Variants in DISC1 observed in about 807,000 individuals in gnomAD.
DISC1 encodes the protein disrupted in schizophrenia 1 protein.
A neutral mutation model predicts 84.5 loss-of-function variants in DISC1; 57 were observed. That is an observed-to-expected ratio of 0.67 (90% CI 0.55 to 0.84). The LOEUF (loss-of-function observed/expected upper bound fraction) is 0.84, where lower values mean the gene tolerates loss of function less well. Among genes scored for constraint, DISC1 ranks in the 40% least tolerant of loss-of-function variants. DISC1 has a pLI of 0.00. For synonymous variants in DISC1, 411 were observed against 415.2 expected (o/e 0.99, Z 0.12); for missense variants, 1,000 against 1,057.8 (o/e 0.95, Z 0.76).
intron 9 of DISC1, among the ~76,000 whole-genome samples, chr1:231,840,543 C>T (rs1407427376): frequency 1.3e-5 from 2 of 152,026 alleles, no homozygotes; most frequent in African/African-American, 2.4e-5. Context: ...TGAAAGAAAC[C>T]GGTCTCAAAA....
chr1:231,934,151 G>T (rs745857580), intron 9 of DISC1, among the ~76,000 whole-genome samples: 16 of 152,296 alleles, frequency 1.1e-4, no homozygotes, highest in Middle Eastern at 3.4e-3. Flanking sequence ...CAGGAAAAGG[G>T]GGGTGACCGT....
At chr1:231,988,405 A>G (rs1038809256) in intron 10 of DISC1, among the ~76,000 whole-genome samples, 1 of 152,198 alleles carries the variant, frequency 6.6e-6, no homozygotes, top group Non-Finnish European at 1.5e-5. Context: ...TATGATCTGA[A>G]TGTTTATGTC....
intron 9 of DISC1, among the ~76,000 whole-genome samples, chr1:231,839,440 G>T (rs2082865042): frequency 6.6e-6 from 1 of 152,184 alleles, no homozygotes; most frequent in South Asian, 2.1e-4. Context: ...TGTGATTATT[G>T]ATCTGGCTGG....
intron 11 of DISC1, among the ~76,000 whole-genome samples, chr1:232,012,543 C>G (rs962927283): frequency 6.6e-6 from 1 of 152,188 alleles, no homozygotes; most frequent in East Asian, 1.9e-4. Context: ...TTTAGAACTC[C>G]GTGCTGGGTC....
intron 9 of DISC1, among the ~76,000 whole-genome samples, chr1:231,922,492 G>T (rs1002511153): frequency 2.0e-5 from 3 of 152,168 alleles, no homozygotes; most frequent in African/African-American, 7.2e-5. Context: ...ATCCAAGGGG[G>T]TATGTCTGGC....
chr1:231,635,482 T>C (rs2059120354), intron 1 of DISC1, among the ~76,000 whole-genome samples: 5 of 152,200 alleles, frequency 3.3e-5, no homozygotes, highest in Admixed American at 3.3e-4. Context: ...TCTCTCCTTC[T>C]TCTGTTATAG....
chr1:231,860,775 T>G (rs1032811805), intron 9 of DISC1, among the ~76,000 whole-genome samples: 1 of 152,142 alleles, frequency 6.6e-6, no homozygotes, highest in South Asian at 2.1e-4. Flanking sequence ...AAAACTGAAA[T>G]TTGGCTTGAA....
Position 231,801,450 on chromosome 1 carries a change from T to C in DISC1, c.1792+1240T>C, listed in dbSNP as rs555544396. 6.6e-5 allele frequency among the ~76,000 whole-genome samples: 10 copies of C among 152,360 alleles called. No homozygotes were observed. In the East Asian group the frequency reaches 1.7e-3, roughly 26 times the overall value. On this transcript the variant is annotated intron_variant, in intron 8 of 12. Coordinates refer to ENST00000439617, the MANE Select transcript of DISC1 (RefSeq NM_018662.3). ...CTCACTCCAATGTGAACAATCTCTC[T>C]TCAGACTCCAGGGAAAATGCCCAAG...
chr1:231,779,854 G>A (rs1409292242), intron 6 of DISC1, among the ~76,000 whole-genome samples: 3 of 152,044 alleles, frequency 2.0e-5, no homozygotes, highest in East Asian at 1.9e-4. Flanking sequence ...CCACCCTGCC[G>A]GCCTTGGTCA....
chr1:231,887,537 G>A (rs905773385), intron 9 of DISC1, among the ~76,000 whole-genome samples: 1 of 152,210 alleles, frequency 6.6e-6, no homozygotes, highest in Admixed American at 6.5e-5. Context: ...CCTTTAGATG[G>A]ATGTATAATC....
chr1:231,660,237 T>C (rs1302144833), intron 1 of DISC1, among the ~76,000 whole-genome samples: 1 of 152,210 alleles, frequency 6.6e-6, no homozygotes, highest in African/African-American at 2.4e-5. Context: ...CCCTTCTTTA[T>C]ATTTTTTGAT....
At chr1:231,672,799 A>G (rs1266240488) in intron 1 of DISC1, among the ~76,000 whole-genome samples, 1 of 152,104 alleles carries the variant, frequency 6.6e-6, no homozygotes, top group Non-Finnish European at 1.5e-5. Flanking sequence ...TTATTGTACT[A>G]ATTAATGTCT....
At chr1:231,936,795 T>C (rs929806861) in intron 9 of DISC1, among the ~76,000 whole-genome samples, 3 of 152,244 alleles carry the variant, frequency 2.0e-5, no homozygotes, top group Non-Finnish European at 4.4e-5. Context: ...TTTTCAGATA[T>C]TTAAGCAGAA....
chr1:231,920,016 G>C (rs2089898670), intron 9 of DISC1, among the ~76,000 whole-genome samples: 1 of 152,114 alleles, frequency 6.6e-6, no homozygotes, highest in African/African-American at 2.4e-5. Flanking sequence ...CCTCTTTGCT[G>C]TAGGGGGTGT....
At position 231,630,946 on chromosome 1, in the gene DISC1, A is replaced by G. The variant is rs1257428980; in HGVS notation, c.67+4012A>G. On this transcript the variant is annotated intron_variant, in intron 1 of 12. Coordinates refer to ENST00000439617, the MANE Select transcript of DISC1 (RefSeq NM_018662.3). The surrounding 1 kb of genome is among the most constrained non-coding windows in gnomAD (Gnocchi z 4.4). ...CTGTAGAAGGTAGGCAGGGGCTCACATGGTGTGCACAGCCCCTTATATGAC... is the reference window on the plus strand; with the variant it reads ...CTGTAGAAGGTAGGCAGGGGCTCACGTGGTGTGCACAGCCCCTTATATGAC... Among the ~76,000 whole-genome samples, 1 of 152,138 alleles carries G rather than the reference A, an allele frequency of 6.6e-6. No individual in the cohort carries two copies. The highest frequency in any genetic ancestry group is 1.5e-5 in the Non-Finnish European group (1 of 68,016).
At chr1:231,960,861 C>T (rs1660293258) in intron 10 of DISC1, among the ~76,000 whole-genome samples, 1 of 152,244 alleles carries the variant, frequency 6.6e-6, no homozygotes, top group Non-Finnish European at 1.5e-5. Flanking sequence ...GCCTGGGCTT[C>T]TGACCAACCA....
At chr1:231,923,273 C>T (rs1433186566) in intron 9 of DISC1, among the ~76,000 whole-genome samples, 7 of 139,326 alleles carry the variant, frequency 5.0e-5, no homozygotes, top group South Asian at 2.3e-4. Flanking sequence ...CGCAACAGAG[C>T]AAGACTCTGT....
At chr1:231,773,776 C>T (rs529017025) in intron 6 of DISC1, among the ~76,000 whole-genome samples, 1 of 152,280 alleles carries the variant, frequency 6.6e-6, no homozygotes, top group South Asian at 2.1e-4. Flanking sequence ...TGATCTTGAA[C>T]ATGGGGCACT....
At chr1:231,686,088 GCCTC>G (rs1369371392) in intron 1 of DISC1, among the ~76,000 whole-genome samples, 2 of 152,214 alleles carry the variant, frequency 1.3e-5, no homozygotes, top group Non-Finnish European at 2.9e-5. Flanking sequence ...GCAGGGTACA[GCCTC>G]CCTCCCAGCT....
Sources: gnomAD v4.1 joint callset for allele counts (sites outside exome capture counted in the v4.1 genomes callset) on GRCh38, gnomAD v4.1.1 for gene constraint, Gnocchi (gnomAD v3.1) non-coding constraint, MANE v1.5 for transcripts, NCBI Gene and HGNC (gene_info 2026-07-23, HGNC 2026-07-21) for gene names.